SLC24A2: variants seen among roughly 807,000 people sequenced by gnomAD.
The protein encoded by SLC24A2 is solute carrier family 24 member 2, also known as sodium/potassium/calcium exchanger 2.
A neutral mutation model predicts 62.0 loss-of-function variants in SLC24A2; 36 were observed. The observed-to-expected ratio is 0.58, with a 90% CI of 0.44 to 0.77. SLC24A2 has a LOEUF of 0.77. Among genes scored for constraint, SLC24A2 ranks in the 30% least tolerant of loss-of-function variants. The pLI is 0.00. For synonymous variants in SLC24A2, 358 were observed against 294.0 expected, an observed-to-expected ratio of 1.22 and a Z score of -2.23; for missense variants, 846 against 817.9, an observed-to-expected ratio of 1.03 and a Z score of -0.42.
the SLC24A2 span, among the ~76,000 whole-genome samples, chr9:20,187,626 A>T: frequency 2.6e-5 from 4 of 152,026 alleles, no homozygotes; most frequent in African/African-American, 7.2e-5. Context: ...CCAGTTCTTT[A>T]CCTGGAAAAC....
At chr9:20,185,746 T>G in the SLC24A2 span, among the ~76,000 whole-genome samples, 4 of 151,886 alleles carry the variant, frequency 2.6e-5, no homozygotes, top group Admixed American at 2.6e-4. Flanking sequence ...TCCTGATAAT[T>G]TGCATTTTAA....
At chr9:19,963,869 G>C in the SLC24A2 span, among the ~76,000 whole-genome samples, 2 of 152,080 alleles carry the variant, frequency 1.3e-5, no homozygotes, top group Non-Finnish European at 2.9e-5. Context: ...CCATTACTGG[G>C]TATATACCCA....
the SLC24A2 span, among the ~76,000 whole-genome samples, chr9:20,054,219 T>A: frequency 6.6e-6 from 1 of 151,970 alleles, no homozygotes; most frequent in Non-Finnish European, 1.5e-5. Flanking sequence ...TGAGATGGAG[T>A]CTCACTCTGT....
Position 19,576,940 on chromosome 9 carries a change from C to T in SLC24A2, c.1212G>A (p.Gly404=). ...TGCACTCACCCACGTGGTTGGCAGC[C>T]CCATTCTGCCTCTCGTTCTCATCCA... ...CHVDENERQN[G]AANHVEKIEL... is the part of the protein sequence containing the mutation. The change falls in exon 6 of 11, where the codon GGG becomes GGA. Residue 404 remains glycine, a synonymous_variant. Coordinates refer to ENST00000341998, the MANE Select transcript of SLC24A2 (RefSeq NM_020344.4). 6.2e-7 allele frequency: 1 copy of T among 1,613,594 alleles called. No individual in the cohort carries two copies. The highest frequency in any genetic ancestry group is 8.5e-7 in the Non-Finnish European group (1 of 1,179,506).
chr9:19,966,827 T>C, the SLC24A2 span, among the ~76,000 whole-genome samples: 1 of 152,176 alleles, frequency 6.6e-6, no homozygotes, highest in South Asian at 2.1e-4. Context: ...ATGAACTCTT[T>C]CCTCTCAAGC....
chr9:19,516,399 G>T lies in SLC24A2; in HGVS notation c.1740C>A (p.Leu580=), dbSNP rs80033901. 2.8e-5 allele frequency: 45 copies of T among 1,613,668 alleles called. No individual in the cohort carries two copies. In the African/African-American group the frequency reaches 5.9e-4, roughly 21 times the overall value. ...CGGTGTACAGGAGCCAGGGCAGTGG[G>T]AGCCTGTGCAGAAGTGAAGCAGGGC... ...GSNIFDITVG[L]PLPWLLYTVI... Residue 580 remains leucine (L), a synonymous_variant, in exon 11 of 11, where the codon CTC becomes CTA. Coordinates refer to ENST00000341998, the MANE Select transcript of SLC24A2 (RefSeq NM_020344.4).
At chr9:19,844,769 T>C in the SLC24A2 span, among the ~76,000 whole-genome samples, 2 of 152,132 alleles carry the variant, frequency 1.3e-5, no homozygotes, top group African/African-American at 2.4e-5. Flanking sequence ...ATTTATTAAA[T>C]AGAGTCATTT....
the SLC24A2 span, among the ~76,000 whole-genome samples, chr9:20,296,272 C>T: frequency 1.5e-3 from 224 of 152,266 alleles, 5 homozygotes; most frequent in South Asian, 0.02. Flanking sequence ...ATGAAAAACA[C>T]AAGAAATCTC....
At chr9:20,098,884 G>A in the SLC24A2 span, among the ~76,000 whole-genome samples, 1 of 152,202 alleles carries the variant, frequency 6.6e-6, no homozygotes, top group Non-Finnish European at 1.5e-5. Context: ...GGTGTTCCTA[G>A]CTCATTCTCT....
intron 4 of SLC24A2, among the ~76,000 whole-genome samples, chr9:19,600,572 T>G (rs1372281169): frequency 6.6e-6 from 1 of 152,208 alleles, no homozygotes; most frequent in Admixed American, 6.5e-5. Flanking sequence ...CAATAATGTG[T>G]GGTCATTACT....
chr9:20,163,031 A>C, the SLC24A2 span, among the ~76,000 whole-genome samples: 1 of 152,170 alleles, frequency 6.6e-6, no homozygotes, highest in Non-Finnish European at 1.5e-5. Context: ...ATCATACCGA[A>C]TGGGCAAAAA....
chr9:19,585,674 T>A (rs953469791), intron 5 of SLC24A2, among the ~76,000 whole-genome samples: 3 of 152,258 alleles, frequency 2.0e-5, no homozygotes, highest in Admixed American at 6.5e-5. Flanking sequence ...TATCTGTTTA[T>A]GACTTTTGGA....
chr9:19,530,231 T>C (rs1833637956), intron 8 of SLC24A2, among the ~76,000 whole-genome samples: 1 of 152,156 alleles, frequency 6.6e-6, no homozygotes. Flanking sequence ...TTCAGGATCC[T>C]ACGTGCAATG....
At chr9:19,551,998 A>C (rs928482284) in intron 7 of SLC24A2, among the ~76,000 whole-genome samples, 1 of 152,214 alleles carries the variant, frequency 6.6e-6, no homozygotes, top group Non-Finnish European at 1.5e-5. Context: ...GTAAACAGCA[A>C]ATATGGTGGA....
At chr9:19,883,772 A>G in the SLC24A2 span, among the ~76,000 whole-genome samples, 43 of 152,176 alleles carry the variant, frequency 2.8e-4, no homozygotes, top group East Asian at 3.5e-3. Flanking sequence ...TCACTGTGTT[A>G]GCCAGGATGG....
chr9:19,976,985 A>G, the SLC24A2 span, among the ~76,000 whole-genome samples: 2 of 152,236 alleles, frequency 1.3e-5, no homozygotes, highest in Non-Finnish European at 2.9e-5. Context: ...AAGATCAGCA[A>G]AGTCCAACTA....
chr9:20,279,229 T>C, the SLC24A2 span, among the ~76,000 whole-genome samples: 470 of 152,276 alleles, frequency 3.1e-3, 4 homozygotes, highest in African/African-American at 0.011. Context: ...CATATAAGCA[T>C]ATATTGTTTA....
chr9:19,866,795 C>A, the SLC24A2 span, among the ~76,000 whole-genome samples: 1 of 151,912 alleles, frequency 6.6e-6, no homozygotes, highest in Non-Finnish European at 1.5e-5. Flanking sequence ...CGCCACCACG[C>A]CTTGCTAATT....
chr9:20,019,141 G>C, the SLC24A2 span, among the ~76,000 whole-genome samples: 1 of 103,578 alleles, frequency 9.7e-6, no homozygotes, highest in African/African-American at 4.1e-5. Context: ...AAGAAAGAAA[G>C]AAAGAAAGAA....
Sources: gnomAD v4.1 joint callset for allele counts (sites outside exome capture counted in the v4.1 genomes callset) on GRCh38, gnomAD v4.1.1 for gene constraint, MANE v1.5 for transcripts, NCBI Gene and HGNC (gene_info 2026-07-23, HGNC 2026-07-21) for gene names.